The following CHD1L variants were observed in gnomAD, a reference collection of about 807,000 sequenced individuals.
CHD1L encodes ATP-dependent chromatin remodeler CHD1L.
Under a neutral mutation model 115.9 loss-of-function variants are expected in CHD1L, and 118 were observed. That is an observed-to-expected ratio of 1.02 (90% CI 0.88 to 1.19). The LOEUF (loss-of-function observed/expected upper bound fraction) is 1.19, where lower values mean the gene tolerates loss of function less well. Ranked by LOEUF, CHD1L falls within the 50% of genes most tolerant of loss-of-function variation. CHD1L has a pLI of 0.00. For synonymous variants in CHD1L, 411 were observed against 387.1 expected, an observed-to-expected ratio of 1.06 and a Z score of -0.72; for missense variants, 1,179 against 1,065.3, an observed-to-expected ratio of 1.11 and a Z score of -1.49.
At chr1:147,275,693 A>G (rs1553957128) in intron 13 of CHD1L, among the ~76,000 whole-genome samples, 1 of 152,030 alleles carries the variant, frequency 6.6e-6, no homozygotes, top group African/African-American at 2.4e-5. Flanking sequence ...AAGGATTAGA[A>G]GGAAACTTTA....
Position 147,287,498 on chromosome 1 carries a change from C to A in CHD1L, c.2222-137C>A, listed in dbSNP as rs1403366562. ...TTTGGGAAGTCCAACCTGTGATATT[C>A]CTAGGAGATAAGATATTTTGTTTCT... On this transcript the variant is annotated intron_variant, in intron 18 of 22. Coordinates refer to ENST00000369258, the MANE Select transcript of CHD1L (RefSeq NM_004284.6). 4.9e-6 allele frequency: 3 copies of A among 607,392 alleles called. No homozygotes were observed. The Admixed American group carries it at 9.1e-5, about 18-fold the overall frequency. The allele number at this position is 607,392 out of a possible 1,614,324, so 37.6% of individuals were successfully genotyped here.
At chr1:147,293,862 G>A (rs1385927043) in intron 21 of CHD1L, 140 bp downstream of exon 21, 6 of 664,940 alleles carry the variant, frequency 9.0e-6, no homozygotes, top group African/African-American at 3.6e-5. Flanking sequence ...TCACCCCACC[G>A]TCTTGTAGTC....
chr1:147,280,375 G>A (rs781852711), intron 15 of CHD1L, among the ~76,000 whole-genome samples, 184 bp downstream of exon 15: 3 of 152,170 alleles, frequency 2.0e-5, no homozygotes, highest in Non-Finnish European at 2.9e-5. Flanking sequence ...CTGGAAATTT[G>A]TGTGGCTCTT....
chr1:147,288,739 G>A (rs1684369905), intron 19 of CHD1L, among the ~76,000 whole-genome samples: 1 of 152,138 alleles, frequency 6.6e-6, no homozygotes, highest in Non-Finnish European at 1.5e-5. Flanking sequence ...AAGAACTCGG[G>A]TTTGGTGCTG....
chr1:147,272,257 GT>G lies in CHD1L; in HGVS notation c.1251del (p.Leu418SerfsTer2). The G allele has an allele frequency of 6.2e-7, 1 of 1,613,960 alleles. No homozygotes were observed. The highest frequency in any genetic ancestry group is 8.5e-7 in the Non-Finnish European group (1 of 1,179,860). On this transcript the variant is annotated frameshift_variant, in exon 12 of 23. Coordinates refer to ENST00000369258, the MANE Select transcript of CHD1L (RefSeq NM_004284.6). LOFTEE classifies it high-confidence loss of function. The part of the protein sequence containing the change: ...IKNFGQQPIF[V>X]FLLSTRAGGV... ...GAACTTTGGACAGCAGCCCATTTTC[GT>G]TTTTCTCCTGAGTACTAGGGCAGGT...
chr1:147,230,955 A>C, the CHD1L span, among the ~76,000 whole-genome samples: 2 of 151,730 alleles, frequency 1.3e-5, no homozygotes, highest in Non-Finnish European at 2.9e-5. Context: ...TTCAAAAAAA[A>C]AGCTCCTGGA....
chr1:147,211,874 G>A, the CHD1L span, among the ~76,000 whole-genome samples: 1 of 152,174 alleles, frequency 6.6e-6, no homozygotes, highest in Non-Finnish European at 1.5e-5. Flanking sequence ...GACGCTATAC[G>A]GATACCCACA....
chr1:147,258,271 C>T (rs908347615), intron 5 of CHD1L, among the ~76,000 whole-genome samples: 11 of 152,200 alleles, frequency 7.2e-5, no homozygotes, highest in Admixed American at 6.5e-5. Flanking sequence ...TTTTCCTCTT[C>T]AGGGGACATC....
At chr1:147,281,009 A>G (rs921597994) in intron 15 of CHD1L, among the ~76,000 whole-genome samples, 1 of 152,084 alleles carries the variant, frequency 6.6e-6, no homozygotes, top group Non-Finnish European at 1.5e-5. Context: ...TGGTAGTGGC[A>G]TGATTTCTGG....
At chr1:147,190,186 A>G in the CHD1L span, 13 of 1,608,012 alleles carry the variant, frequency 8.1e-6, no homozygotes, top group African/African-American at 2.7e-5. Flanking sequence ...CCTTTTGTCA[A>G]TTTCCTCTTG....
the CHD1L span, among the ~76,000 whole-genome samples, chr1:147,182,526 T>A: frequency 6.6e-6 from 1 of 152,220 alleles, no homozygotes; most frequent in Admixed American, 6.5e-5. Flanking sequence ...GGTTTTTCTG[T>A]TAAATGTAGC....
At chr1:147,277,544 G>T (rs181686680) in intron 14 of CHD1L, among the ~76,000 whole-genome samples, 8 of 152,234 alleles carry the variant, frequency 5.3e-5, no homozygotes, top group Admixed American at 3.9e-4. Context: ...GTAACACTGG[G>T]TTTGTTCTTT....
At chr1:147,269,925 T>C (rs1264830673) in intron 10 of CHD1L, among the ~76,000 whole-genome samples, 1 of 152,204 alleles carries the variant, frequency 6.6e-6, no homozygotes, top group Non-Finnish European at 1.5e-5. Flanking sequence ...TCTTACTGTA[T>C]TTCATTGGTT....
chr1:147,242,914 C>T, intron 1 of CHD1L, 84 bp downstream of exon 1: 12 of 1,227,766 alleles, frequency 9.8e-6, no homozygotes, highest in South Asian at 4.2e-5. Flanking sequence ...AGCGGGTGGG[C>T]CGCCCGGTGG....
At chr1:147,204,639 T>A in the CHD1L span, 1 of 1,586,708 alleles carries the variant, frequency 6.3e-7, no homozygotes, top group South Asian at 1.1e-5. Context: ...TTGTGCCATC[T>A]CCAACTTCTT....
chr1:147,206,899 G>A, the CHD1L span, among the ~76,000 whole-genome samples: 5,604 of 151,748 alleles, frequency 0.037, 147 homozygotes, highest in South Asian at 0.096. Context: ...AAACCTGCAC[G>A]TTGTGCACAT....
intron 20 of CHD1L, among the ~76,000 whole-genome samples, chr1:147,292,891 AAC>A (rs1157786633): frequency 6.6e-6 from 1 of 152,248 alleles, no homozygotes; most frequent in East Asian, 1.9e-4. Flanking sequence ...ATTACATCCT[AAC>A]ATGAGATTTG....
chr1:147,268,362 C>T (rs1674791922), intron 9 of CHD1L, among the ~76,000 whole-genome samples: 1 of 152,104 alleles, frequency 6.6e-6, no homozygotes, highest in Non-Finnish European at 1.5e-5. Flanking sequence ...GGAATCTCTG[C>T]CAAATAGTGC....
At chr1:147,233,246 G>T in the CHD1L span, among the ~76,000 whole-genome samples, 1 of 151,942 alleles carries the variant, frequency 6.6e-6, no homozygotes, top group Non-Finnish European at 1.5e-5. Flanking sequence ...TGAGAAGTGA[G>T]GAGCCCCTCC....
Sources: allele counts gnomAD v4.1 joint callset (sites outside exome capture counted in the v4.1 genomes callset), GRCh38; gene constraint gnomAD v4.1.1; transcripts MANE v1.5; gene names NCBI Gene and HGNC (gene_info 2026-07-23, HGNC 2026-07-21).